The following TRAF6 variants were observed in gnomAD, a reference collection of about 807,000 sequenced individuals.
TRAF6 encodes the protein TNF receptor-associated factor 6.
In TRAF6, 10 loss-of-function variants were observed where a neutral mutation model predicts 48.4. That is an observed-to-expected ratio of 0.21 (90% CI 0.13 to 0.35). The LOEUF (loss-of-function observed/expected upper bound fraction) is 0.35, where lower values mean the gene tolerates loss of function less well. TRAF6 is among the 10% of genes least tolerant of loss of function. TRAF6 has a pLI of 1.00. For synonymous variants in TRAF6, 186 were observed against 219.6 expected (o/e 0.85, Z 1.35); for missense variants, 397 against 661.0 (o/e 0.60, Z 4.38).
In TRAF6 at chr11:36,485,282, C is replaced by T. The variant is rs533372023; in HGVS notation, c.*4556G>A. Among the ~76,000 whole-genome samples, 1 of 152,262 alleles carries T rather than the reference C, an allele frequency of 6.6e-6. No homozygotes were observed. The highest frequency in any genetic ancestry group is 1.9e-4 in the East Asian group (1 of 5,186). On this transcript the variant is annotated 3_prime_UTR_variant, in exon 7 of 7. Transcript: ENST00000526995. ...CAAGGTACCAGAAATTGGTCAGCTT[C>T]AACTGCTGCTTTCAATAAATGTTCA...
In TRAF6 at chr11:36,488,591, T is replaced by C. The variant is rs1466932914; in HGVS notation, c.*1247A>G. 6.6e-6 allele frequency: 1 copy of C among 152,236 alleles called. No individual in the cohort carries two copies. The highest frequency in any genetic ancestry group is 2.4e-5 in the African/African-American group (1 of 41,432). The allele number at this position is 152,236 out of a possible 1,614,324, so 9.4% of individuals were successfully genotyped here. ...TAGATTCCACGATATTTTATATCTA[T>C]ATATAGGCCTTTAACAAATACATGA... On this transcript the variant is annotated 3_prime_UTR_variant, in exon 7 of 7. Coordinates refer to ENST00000526995, the MANE Select transcript of TRAF6 (RefSeq NM_004620.4).
intron 4 of TRAF6, 98 bp downstream of exon 4, chr11:36,497,009 CG>C (rs1859646862): frequency 4.8e-6 from 6 of 1,250,884 alleles, no homozygotes; most frequent in Middle Eastern, 2.3e-4. Flanking sequence ...GACTCAGAGT[CG>C]GAGTCACATC....
In TRAF6 at chr11:36,488,087, C is replaced by T. The variant is rs2133661948; in HGVS notation, c.*1751G>A. Reference sequence around the variant, plus strand: ...AATTATTTATTCATTGTAAAATAATCACAGGAACAGCAGCAGTGTAGGTTT... The same window carrying T: ...AATTATTTATTCATTGTAAAATAATTACAGGAACAGCAGCAGTGTAGGTTT... On this transcript the variant is annotated 3_prime_UTR_variant, in exon 7 of 7. Coordinates refer to ENST00000526995, the MANE Select transcript of TRAF6 (RefSeq NM_004620.4). The T allele has an allele frequency of 6.6e-6, 1 of 152,180 alleles. No homozygotes were observed. Among genetic ancestry groups the T allele is most frequent in the East Asian group, 1.9e-4 (1 of 5,180 alleles). The allele number at this position is 152,180 out of a possible 1,614,324, so 9.4% of individuals were successfully genotyped here.
At chr11:36,500,907 C>T (rs559852446) in intron 2 of TRAF6, among the ~76,000 whole-genome samples, 1 of 152,076 alleles carries the variant, frequency 6.6e-6, no homozygotes, top group East Asian at 1.9e-4. Flanking sequence ...ATTTAAGGTA[C>T]ATTTAAAAAA....
At position 36,490,305 on chromosome 11, in the gene TRAF6, C is replaced by T; in HGVS notation, c.1102G>A (p.Glu368Lys). Residue 368 changes from glutamate to lysine, a missense_variant, in exon 7 of 7, where the codon GAA becomes AAA. Around this residue, in one of 4 missense-constraint regions of TRAF6, gnomAD observed 245 missense variants for 349.1 expected, o/e 0.70. Coordinates refer to ENST00000526995, the MANE Select transcript of TRAF6 (RefSeq NM_004620.4). The surrounding 1 kb of genome is among the most constrained non-coding windows in gnomAD (Gnocchi z 6.4). ...TGAATCACAACAGGTTTCTCCTCTTCTTGACATTTCAAATGCATTCCAAAG... is the reference window on the plus strand; with the variant it reads ...TGAATCACAACAGGTTTCTCCTCTTTTTGACATTTCAAATGCATTCCAAAG... ...GNFGMHLKCQ[E>K]EEKPVVIHSP... 6.2e-7 allele frequency: 1 copy of T among 1,614,214 alleles called. No individual in the cohort carries two copies. Among genetic ancestry groups the T allele is most frequent in the East Asian group, 2.2e-5 (1 of 44,888 alleles).
At chr11:36,497,508 G>C (rs1477487678) in intron 3 of TRAF6, among the ~76,000 whole-genome samples, 1 of 152,134 alleles carries the variant, frequency 6.6e-6, no homozygotes. Flanking sequence ...AAGAGTGTTG[G>C]AAAGAAGTCA....
chr11:36,494,090 C>T (rs1859597014), intron 5 of TRAF6, among the ~76,000 whole-genome samples: 1 of 152,128 alleles, frequency 6.6e-6, no homozygotes, highest in Admixed American at 6.5e-5. Flanking sequence ...TTGGGCTGGG[C>T]TTGGTGGCTC....
At chr11:36,503,247 C>T (rs1454475716) in intron 1 of TRAF6, among the ~76,000 whole-genome samples, 1 of 151,834 alleles carries the variant, frequency 6.6e-6, no homozygotes, top group East Asian at 1.9e-4. Context: ...ACTACATTGA[C>T]AGAATTCCAA....
chr11:36,497,058 A>G (rs893384449), intron 4 of TRAF6, 50 bp downstream of exon 4: 7 of 1,594,496 alleles, frequency 4.4e-6, no homozygotes, highest in Middle Eastern at 3.3e-4. Context: ...CACATTTAAG[A>G]ACAATATTTT....
intron 4 of TRAF6, 93 bp downstream of exon 4, chr11:36,497,015 C>G (rs1859646902): frequency 4.5e-6 from 6 of 1,328,024 alleles, no homozygotes; most frequent in Non-Finnish European, 6.2e-6. Flanking sequence ...GAGTCGGAGT[C>G]ACATCCTTAT....
At chr11:36,497,345 TTC>T (rs1859654122) in intron 3 of TRAF6, 79 bp from the exon 4 acceptor site, 1 of 1,361,296 alleles carries the variant, frequency 7.3e-7, no homozygotes, top group South Asian at 1.5e-5. Flanking sequence ...TCATATACTG[TTC>T]TCTTTCAGCA....
At chr11:36,508,606 A>T (rs1017651488) in intron 1 of TRAF6, among the ~76,000 whole-genome samples, 2 of 152,228 alleles carry the variant, frequency 1.3e-5, no homozygotes, top group Non-Finnish European at 1.5e-5. Context: ...ACGAGTAAAC[A>T]TGTAACTTAT....
Position 36,490,035 on chromosome 11 carries a change from C to A in TRAF6, c.1372G>T (p.Ala458Ser). The A allele has an allele frequency of 6.2e-7, 1 of 1,614,186 alleles. No homozygotes were observed. Among genetic ancestry groups the A allele is most frequent in the Non-Finnish European group, 8.5e-7 (1 of 1,180,036 alleles). The change falls in exon 7 of 7, where the codon GCT becomes TCT. Residue 458 changes from alanine to serine, a missense_variant. Ala to Ser is a moderately conservative substitution (Grantham distance 99). Coordinates refer to ENST00000526995, the MANE Select transcript of TRAF6 (RefSeq NM_004620.4). The surrounding 1 kb of genome is among the most constrained non-coding windows in gnomAD (Gnocchi z 6.4). The part of the protein sequence containing the change: ...EIMDAKPELL[A>S]FQRPTIPRNP... The stretch of plus-strand genomic sequence containing the variant: ...CGTGGGATTGTGGGTCGCTGGAAAG[C>A]AAGCAGCTCTGGTTTGGCATCCATT...
intron 5 of TRAF6, among the ~76,000 whole-genome samples, chr11:36,493,382 G>A (rs1261356184): frequency 6.6e-6 from 1 of 152,194 alleles, no homozygotes; most frequent in East Asian, 1.9e-4. Flanking sequence ...AGGGAACAGT[G>A]TAGAACAGGG....
intron 1 of TRAF6, among the ~76,000 whole-genome samples, chr11:36,502,637 T>C (rs145319415): frequency 3.0e-4 from 46 of 152,238 alleles, no homozygotes; most frequent in Middle Eastern, 3.4e-3. Context: ...CCACTACAAA[T>C]ACCTTTTTAT....
In TRAF6 at chr11:36,489,867, G is replaced by A; in HGVS notation, c.1540C>T (p.Gln514Ter). Residue 514 changes from glutamine to a stop codon, truncating the protein, a stop_gained, in exon 7 of 7, where the codon CAG becomes TAG. Coordinates refer to ENST00000526995, the MANE Select transcript of TRAF6 (RefSeq NM_004620.4). LOFTEE classifies it high-confidence loss of function. ...DMGSLRREGF[Q>*]PRSTDAGV is the part of the protein sequence containing the mutation. Reference sequence around the variant, plus strand: ...ACCCCTGCATCAGTACTTCGTGGCTGAAAACCCTCCCTCCGAAGGCTACCC... The same window carrying A: ...ACCCCTGCATCAGTACTTCGTGGCTAAAAACCCTCCCTCCGAAGGCTACCC... The A allele has an allele frequency of 6.2e-7, 1 of 1,614,062 alleles. No homozygotes were observed. Among genetic ancestry groups the A allele is most frequent in the Non-Finnish European group, 8.5e-7 (1 of 1,179,944 alleles).
At chr11:36,495,088 T>C in intron 4 of TRAF6, 41 bp from the exon 5 acceptor site, 2 of 1,458,974 alleles carry the variant, frequency 1.4e-6, no homozygotes, top group Non-Finnish European at 1.9e-6. Context: ...CATGAGAATA[T>C]CTGAAAAAGT....
chr11:36,491,806 G>A (rs1422778753), intron 6 of TRAF6, among the ~76,000 whole-genome samples: 2 of 152,156 alleles, frequency 1.3e-5, no homozygotes, highest in Non-Finnish European at 2.9e-5. Context: ...TCAATACTCT[G>A]AGTCCTAATT....
Position 36,486,651 on chromosome 11 carries a change from C to G in TRAF6, c.*3187G>C, listed in dbSNP as rs1859488426. On this transcript the variant is annotated 3_prime_UTR_variant, in exon 7 of 7. Coordinates refer to ENST00000526995, the MANE Select transcript of TRAF6 (RefSeq NM_004620.4). ...TTCACTTTTTTCTACTATTTATCCC[C>G]AAAATAAAAGTTAAATCATATTGTA... 6.6e-6 allele frequency among the ~76,000 whole-genome samples: 1 copy of G among 152,072 alleles called. No individual in the cohort carries two copies. Among genetic ancestry groups the G allele is most frequent in the South Asian group, 2.1e-4 (1 of 4,830 alleles).
Sources: gnomAD v4.1 joint callset for allele counts (sites outside exome capture counted in the v4.1 genomes callset) on GRCh38, gnomAD v4.1.1 for gene constraint, gnomAD v4.1.1 regional missense constraint, Gnocchi (gnomAD v3.1) non-coding constraint, MANE v1.5 for transcripts, NCBI Gene and HGNC (gene_info 2026-07-23, HGNC 2026-07-21) for gene names.